Variants in KAZN observed in about 807,000 individuals in gnomAD.
KAZN encodes the protein kazrin.
KAZN carries 40 observed loss-of-function variants against 87.4 expected under a neutral mutation model. The observed-to-expected ratio is 0.46, with a 90% CI of 0.36 to 0.60. The LOEUF (loss-of-function observed/expected upper bound fraction) is 0.60, where lower values mean the gene tolerates loss of function less well. KAZN is among the 20% of genes least tolerant of loss of function. KAZN has a pLI of 0.00. For missense variants in KAZN, 898 were observed against 1,073.9 expected, an observed-to-expected ratio of 0.84 and a Z score of 2.29; for synonymous variants, 466 against 458.3, an observed-to-expected ratio of 1.02 and a Z score of -0.22.
At chr1:14,560,131 A>G (rs1243613544) in intron 2 of KAZN, among the ~76,000 whole-genome samples, 2 of 152,208 alleles carry the variant, frequency 1.3e-5, no homozygotes, top group Non-Finnish European at 2.9e-5. Context: ...TTCTTGAAAT[A>G]AGAAGGTGGC....
chr1:14,082,173 A>G (rs958769594), intron 1 of KAZN, among the ~76,000 whole-genome samples: 5 of 152,188 alleles, frequency 3.3e-5, no homozygotes, highest in Admixed American at 6.5e-5. Flanking sequence ...TCATTCAATA[A>G]TATGAATGTA....
chr1:14,587,872 G>A (rs1176876175), intron 2 of KAZN, among the ~76,000 whole-genome samples: 1 of 152,098 alleles, frequency 6.6e-6, no homozygotes, highest in East Asian at 1.9e-4. Context: ...AAAGATGACT[G>A]TTCCAACATC....
chr1:14,621,184 T>C (rs1678669017), intron 1 of KAZN, among the ~76,000 whole-genome samples: 1 of 152,188 alleles, frequency 6.6e-6, no homozygotes, highest in Admixed American at 6.5e-5. Context: ...GCATTTGTTA[T>C]CTGCTAATGA....
At chr1:14,505,116 G>A (rs1470686771) in intron 2 of KAZN, among the ~76,000 whole-genome samples, 1 of 152,144 alleles carries the variant, frequency 6.6e-6, no homozygotes, top group African/African-American at 2.4e-5. Flanking sequence ...CTTAGGAAAT[G>A]GCCACCTCGA....
chr1:14,275,983 G>C (rs1652314485), intron 2 of KAZN, among the ~76,000 whole-genome samples: 1 of 152,120 alleles, frequency 6.6e-6, no homozygotes, highest in Non-Finnish European at 1.5e-5. Context: ...TTTCCAGACT[G>C]CTTTGTGGCT....
intron 1 of KAZN, among the ~76,000 whole-genome samples, chr1:14,023,371 A>T (rs1157745092): frequency 6.6e-6 from 1 of 152,154 alleles, no homozygotes. Flanking sequence ...TTGAGTACCC[A>T]TCAGGTGATA....
intron 2 of KAZN, among the ~76,000 whole-genome samples, chr1:14,579,056 T>G (rs1332187361): frequency 6.6e-6 from 1 of 152,146 alleles, no homozygotes; most frequent in Non-Finnish European, 1.5e-5. Context: ...GATGTCAGTT[T>G]TTTCTTAGAA....
At position 14,912,093 on chromosome 1, in the gene KAZN, A is replaced by G. The variant is rs543830994; in HGVS notation, c.227-48591A>G. Among the ~76,000 whole-genome samples the G allele has an allele frequency of 2.8e-5, 4 of 140,486 alleles. No homozygotes were observed. The East Asian group carries it at 6.6e-4, about 23-fold the overall frequency. 92.2% of individuals were successfully genotyped at this position (140,486 alleles called of 152,430 possible). A position where few individuals can be genotyped will look rare whatever the true frequency, so the allele number is the denominator to read the frequency against. On this transcript the variant is annotated intron_variant, in intron 1 of 14. Coordinates refer to ENST00000376030, the MANE Select transcript of KAZN (RefSeq NM_201628.3). The stretch of plus-strand genomic sequence containing the variant: ...CTTGAACCTGGGAGGCAGAGGTTGC[A>G]GTGATCACACAACTGCACTCCAGCC...
chr1:14,200,171 G>A (rs1234410387), intron 2 of KAZN, among the ~76,000 whole-genome samples: 2 of 151,972 alleles, frequency 1.3e-5, no homozygotes, highest in Non-Finnish European at 2.9e-5. Context: ...ATATTTGATT[G>A]GGTAAATGAA....
At chr1:14,415,444 A>G (rs953583139) in intron 2 of KAZN, among the ~76,000 whole-genome samples, 32 of 152,132 alleles carry the variant, frequency 2.1e-4, no homozygotes, top group African/African-American at 7.2e-4. Context: ...TCCTGTCCCT[A>G]TTCTGTGGAC....
rs1254722287 is a variant in KAZN at position 14,996,062 on chromosome 1, C to T, written c.418+35187C>T. ...TCAGCCCGCGGCCCTCTGTAGCCCC[C>T]AGCCCCTTCTGCCTCTGGAGAGGGT... On this transcript the variant is annotated intron_variant, in intron 2 of 14. Coordinates refer to ENST00000376030, the MANE Select transcript of KAZN (RefSeq NM_201628.3). The surrounding 1 kb of genome is among the most constrained non-coding windows in gnomAD (Gnocchi z 5.9). 2.0e-5 allele frequency among the ~76,000 whole-genome samples: 3 copies of T among 152,168 alleles called. No homozygotes were observed. The highest frequency in any genetic ancestry group is 7.2e-5 in the African/African-American group (3 of 41,434).
intron 1 of KAZN, among the ~76,000 whole-genome samples, chr1:14,810,157 A>T (rs1477112953): frequency 6.6e-6 from 1 of 152,048 alleles, no homozygotes; most frequent in Non-Finnish European, 1.5e-5. Context: ...AATATTCATG[A>T]TTATTAATCA....
intron 2 of KAZN, among the ~76,000 whole-genome samples, chr1:14,335,327 C>T (rs1160026671): frequency 5.9e-5 from 9 of 151,872 alleles, no homozygotes; most frequent in Admixed American, 1.3e-4. Context: ...CTCAGCCTCC[C>T]GAGTAGCTGG....
At chr1:14,034,143 C>A (rs1387165902) in intron 1 of KAZN, among the ~76,000 whole-genome samples, 1 of 152,146 alleles carries the variant, frequency 6.6e-6, no homozygotes, top group African/African-American at 2.4e-5. Flanking sequence ...TCCTTTTTAC[C>A]TTGATTTTTC....
At chr1:14,610,521 C>G (rs1318646332) in intron 1 of KAZN, among the ~76,000 whole-genome samples, 1 of 152,134 alleles carries the variant, frequency 6.6e-6, no homozygotes, top group Non-Finnish European at 1.5e-5. Flanking sequence ...CCATGCCTGG[C>G]CCTAGTGACC....
chr1:14,121,922 G>A (rs1358830617), intron 1 of KAZN, among the ~76,000 whole-genome samples: 1 of 152,192 alleles, frequency 6.6e-6, no homozygotes, highest in Non-Finnish European at 1.5e-5. Context: ...CCCAGAGGCA[G>A]AAGGTGCCTG....
chr1:15,042,312 C>T (rs1411063278), intron 3 of KAZN, among the ~76,000 whole-genome samples: 2 of 152,178 alleles, frequency 1.3e-5, no homozygotes, highest in African/African-American at 2.4e-5. Context: ...ATAAGCTCCA[C>T]GAGTGCAGGG....
chr1:14,503,045 G>C (rs1670349369), intron 2 of KAZN, among the ~76,000 whole-genome samples: 1 of 152,040 alleles, frequency 6.6e-6, no homozygotes, highest in Admixed American at 6.6e-5. Flanking sequence ...TCTAATGCAG[G>C]CTCAGGGGTC....
At chr1:14,129,625 C>T (rs778639295) in intron 1 of KAZN, among the ~76,000 whole-genome samples, 2 of 152,150 alleles carry the variant, frequency 1.3e-5, no homozygotes, top group Non-Finnish European at 2.9e-5. Flanking sequence ...TGTTGGGGCT[C>T]ACTCAGTGCC....
Sources: allele counts gnomAD v4.1 joint callset (sites outside exome capture counted in the v4.1 genomes callset), GRCh38; gene constraint gnomAD v4.1.1; non-coding constraint Gnocchi (gnomAD v3.1); transcripts MANE v1.5; gene names NCBI Gene and HGNC (gene_info 2026-07-23, HGNC 2026-07-21).